Variants in SLC2A13 observed in about 807,000 individuals in gnomAD.
The protein encoded by SLC2A13 is solute carrier family 2 member 13, also known as proton myo-inositol cotransporter.
In SLC2A13, 32 loss-of-function variants were observed where a neutral mutation model predicts 64.4. That is an observed-to-expected ratio of 0.50 (90% CI 0.37 to 0.67). SLC2A13 has a LOEUF of 0.67. Ranked by LOEUF, SLC2A13 falls within the 30% of genes least tolerant of loss-of-function variation. SLC2A13 has a pLI of 0.00. For missense variants in SLC2A13, 743 were observed against 829.2 expected (o/e 0.90, Z 1.28); for synonymous variants, 338 against 327.1 (o/e 1.03, Z -0.36).
At chr12:39,951,951 T>C (rs1946239770) in intron 3 of SLC2A13, among the ~76,000 whole-genome samples, 1 of 152,098 alleles carries the variant, frequency 6.6e-6, no homozygotes, top group African/African-American at 2.4e-5. Flanking sequence ...TTAATACCTA[T>C]TATCTATAGA....
At chr12:39,803,298 T>C (rs537366404) in intron 7 of SLC2A13, among the ~76,000 whole-genome samples, 2 of 151,476 alleles carry the variant, frequency 1.3e-5, no homozygotes, top group South Asian at 4.2e-4. Flanking sequence ...AATAGACTTA[T>C]ATGACAATTA....
At chr12:39,982,442 C>T (rs1254558911) in intron 3 of SLC2A13, among the ~76,000 whole-genome samples, 1 of 150,426 alleles carries the variant, frequency 6.6e-6, no homozygotes, top group African/African-American at 2.4e-5. Context: ...CGTCTCAGCC[C>T]AAAATCTCCT....
chr12:39,961,678 T>C (rs1946416229), intron 3 of SLC2A13, among the ~76,000 whole-genome samples: 1 of 150,942 alleles, frequency 6.6e-6, no homozygotes. Context: ...AAAAAAAAAT[T>C]TTTTTTTTAG....
At chr12:39,926,908 A>T (rs1945740673) in intron 4 of SLC2A13, among the ~76,000 whole-genome samples, 1 of 152,176 alleles carries the variant, frequency 6.6e-6, no homozygotes, top group African/African-American at 2.4e-5. Context: ...AGCCACCTGC[A>T]TCCAGCTAGT....
At chr12:40,046,413 G>A (rs1948172282) in intron 2 of SLC2A13, among the ~76,000 whole-genome samples, 1 of 152,050 alleles carries the variant, frequency 6.6e-6, no homozygotes, top group Admixed American at 6.6e-5. Flanking sequence ...ATGCGTAAGT[G>A]AAAAATGTGA....
chr12:39,944,959 G>A (rs1941825751), intron 4 of SLC2A13, among the ~76,000 whole-genome samples: 1 of 152,102 alleles, frequency 6.6e-6, no homozygotes, highest in Non-Finnish European at 1.5e-5. Flanking sequence ...TAGGTGCTGT[G>A]TGATTTTTGC....
At chr12:39,786,197 T>C (rs1227911205) in intron 7 of SLC2A13, among the ~76,000 whole-genome samples, 1 of 152,128 alleles carries the variant, frequency 6.6e-6, no homozygotes, top group Non-Finnish European at 1.5e-5. Context: ...TTCCCATGTA[T>C]TGTGGGAGGT....
chr12:39,798,873 A>G (rs1256853110), intron 7 of SLC2A13, among the ~76,000 whole-genome samples: 1 of 151,848 alleles, frequency 6.6e-6, no homozygotes, highest in Non-Finnish European at 1.5e-5. Context: ...TGTATTTTAT[A>G]TAATATAAAA....
chr12:39,912,801 G>C (rs1399170746), intron 4 of SLC2A13, among the ~76,000 whole-genome samples: 1 of 152,068 alleles, frequency 6.6e-6, no homozygotes, highest in Non-Finnish European at 1.5e-5. Flanking sequence ...GCTGTGTCTT[G>C]TGTAAACGTT....
intron 6 of SLC2A13, among the ~76,000 whole-genome samples, chr12:39,836,297 T>A (rs1220743446): frequency 6.6e-6 from 1 of 152,074 alleles, no homozygotes; most frequent in East Asian, 1.9e-4. Context: ...TATTAGAAAC[T>A]CAAATAGAGG....
At chr12:39,931,245 G>C (rs4767957) in intron 4 of SLC2A13, among the ~76,000 whole-genome samples, 150,123 of 152,320 alleles carry the variant, frequency 0.99, 74,017 homozygotes, top group Middle Eastern at 1. Context: ...CCACTATAAG[G>C]ATCGTCTACT....
intron 4 of SLC2A13, among the ~76,000 whole-genome samples, chr12:39,872,393 A>T (rs574038595): frequency 1.3e-5 from 2 of 152,336 alleles, no homozygotes; most frequent in Admixed American, 1.3e-4. Flanking sequence ...AGAGAATGTA[A>T]TATAGTGGTA....
rs1020984738 is a variant in SLC2A13 at position 39,896,378 on chromosome 12, A to T, written c.1035-24417T>A. On this transcript the variant is annotated intron_variant, in intron 4 of 9. Coordinates refer to ENST00000280871, the MANE Select transcript of SLC2A13 (RefSeq NM_052885.4). ...TATATGTGTATATATGTATACATAT[A>T]TGTATGTATATGTGTATATATGTAT... Among the ~76,000 whole-genome samples the T allele has an allele frequency of 5.7e-4, 73 of 129,038 alleles. 4 individuals are homozygous for T. Among genetic ancestry groups the T allele is most frequent in the African/African-American group, 2.1e-3 (72 of 34,812 alleles). 84.7% of individuals were successfully genotyped at this position (129,038 alleles called of 152,430 possible).
At chr12:39,966,115 ATG>A (rs1348491690) in intron 3 of SLC2A13, among the ~76,000 whole-genome samples, 3 of 142,130 alleles carry the variant, frequency 2.1e-5, no homozygotes, top group Admixed American at 7.6e-5. Context: ...GTATGTAGAG[ATG>A]TGTGTGTGTA....
chr12:39,823,084 G>A (rs1212586247), intron 7 of SLC2A13, among the ~76,000 whole-genome samples: 20 of 152,130 alleles, frequency 1.3e-4, no homozygotes, highest in Admixed American at 1.2e-3. Context: ...TTATTTATGG[G>A]TAGATGAAAC....
intron 6 of SLC2A13, among the ~76,000 whole-genome samples, chr12:39,861,996 G>A (rs1269740543): frequency 2.0e-5 from 3 of 152,162 alleles, no homozygotes; most frequent in Admixed American, 6.5e-5. Context: ...AGCCCCGCAT[G>A]CATTAGCTAT....
chr12:39,877,791 T>C (rs925053007), intron 4 of SLC2A13, among the ~76,000 whole-genome samples: 1 of 152,212 alleles, frequency 6.6e-6, no homozygotes, highest in Non-Finnish European at 1.5e-5. Context: ...TTTGAATTTC[T>C]TCTCAAAAAA....
intron 6 of SLC2A13, among the ~76,000 whole-genome samples, chr12:39,847,598 A>T (rs1466481413): frequency 6.6e-6 from 1 of 152,048 alleles, no homozygotes; most frequent in Non-Finnish European, 1.5e-5. Flanking sequence ...TATGAAAGAC[A>T]TTTGTATGGG....
chr12:39,896,334 A>G (rs1394199317), intron 4 of SLC2A13, among the ~76,000 whole-genome samples: 4 of 141,158 alleles, frequency 2.8e-5, no homozygotes, highest in South Asian at 2.3e-4. Context: ...ATGTGTATAT[A>G]TGTATACATA....
Sources: gnomAD v4.1 joint callset for allele counts (sites outside exome capture counted in the v4.1 genomes callset) on GRCh38, gnomAD v4.1.1 for gene constraint, MANE v1.5 for transcripts, NCBI Gene and HGNC (gene_info 2026-07-23, HGNC 2026-07-21) for gene names.